TP53BP1: variants seen among roughly 807,000 people sequenced by gnomAD.
The protein encoded by TP53BP1 is TP53-binding protein 1.
A neutral mutation model predicts 200.8 loss-of-function variants in TP53BP1; 61 were observed. That is an observed-to-expected ratio of 0.30 (90% CI 0.25 to 0.38). The LOEUF (loss-of-function observed/expected upper bound fraction) is 0.38, where lower values mean the gene tolerates loss of function less well. Among genes scored for constraint, TP53BP1 ranks in the 10% least tolerant of loss-of-function variants. TP53BP1 has a pLI of 1.00. For synonymous variants in TP53BP1, 822 were observed against 844.3 expected, an observed-to-expected ratio of 0.97 and a Z score of 0.46; for missense variants, 2,144 against 2,371.9, an observed-to-expected ratio of 0.90 and a Z score of 2.00.
chr15:43,450,287 T>C (rs1239966622), intron 12 of TP53BP1, among the ~76,000 whole-genome samples: 1 of 152,242 alleles, frequency 6.6e-6, no homozygotes, highest in Non-Finnish European at 1.5e-5. Context: ...TCTGTTATAG[T>C]TTTAAACCCA....
chr15:43,506,305 C>T (rs2079236526), intron 1 of TP53BP1, among the ~76,000 whole-genome samples: 2 of 152,132 alleles, frequency 1.3e-5, no homozygotes, highest in Non-Finnish European at 2.9e-5. Context: ...CTTAGAGATG[C>T]CCTTCCCACT....
chr15:43,460,860 C>CA (rs35104408), intron 11 of TP53BP1, among the ~76,000 whole-genome samples: 27,924 of 132,820 alleles, frequency 0.21, 2,893 homozygotes, highest in African/African-American at 0.3. Flanking sequence ...CTGTCTCTAC[C>CA]AAAAAAAAAA....
At chr15:43,415,027 G>A (rs1389480448) in intron 23 of TP53BP1, among the ~76,000 whole-genome samples, 1 of 152,026 alleles carries the variant, frequency 6.6e-6, no homozygotes, top group Non-Finnish European at 1.5e-5. Context: ...TAGGAAGTCT[G>A]AGAAAGCTAG....
chr15:43,438,221 C>A (rs1220842460), intron 16 of TP53BP1, 103 bp downstream of exon 16: 6 of 966,418 alleles, frequency 6.2e-6, no homozygotes, highest in Non-Finnish European at 7.8e-6. Context: ...AAGTTTCCAA[C>A]ACATGCCACA....
At chr15:43,482,165 C>A (rs1471058373) in intron 4 of TP53BP1, among the ~76,000 whole-genome samples, 1 of 147,978 alleles carries the variant, frequency 6.8e-6, no homozygotes, top group African/African-American at 2.5e-5. Flanking sequence ...GGAGGCAGAG[C>A]TTGCAGTGAG....
chr15:43,441,949 G>T (rs1350543128), intron 14 of TP53BP1, among the ~76,000 whole-genome samples: 2 of 151,812 alleles, frequency 1.3e-5, no homozygotes, highest in Non-Finnish European at 1.5e-5. Flanking sequence ...ACAGGGTTTT[G>T]CCAAGTTTCC....
chr15:43,510,454 A>G (rs1595641980), exon 1 of TP53BP1: 1 of 154,088 alleles, frequency 6.5e-6, no homozygotes, highest in East Asian at 1.9e-4. Flanking sequence ...GGGCAAGGAC[A>G]GGGAAACCGA....
At chr15:43,408,116 G>A (rs1595514589) in intron 26 of TP53BP1, 28 bp from the exon 27 acceptor site, 5 of 1,607,790 alleles carry the variant, frequency 3.1e-6, no homozygotes, top group Non-Finnish European at 2.5e-6. Context: ...AAGGACCTTA[G>A]CATGACAAGT....
intron 11 of TP53BP1, among the ~76,000 whole-genome samples, chr15:43,462,947 C>T (rs1414969325): frequency 6.6e-6 from 1 of 152,088 alleles, no homozygotes; most frequent in Admixed American, 6.6e-5. Flanking sequence ...GTCCCAGTTA[C>T]TTGGGGTGCT....
intron 11 of TP53BP1, among the ~76,000 whole-genome samples, chr15:43,465,275 A>G (rs1247409224): frequency 6.6e-6 from 1 of 152,118 alleles, no homozygotes; most frequent in Non-Finnish European, 1.5e-5. Context: ...ATGGGTTTTG[A>G]GGAGGTGATG....
chr15:43,426,300 C>T (rs1282123616), intron 18 of TP53BP1, among the ~76,000 whole-genome samples: 7 of 151,254 alleles, frequency 4.6e-5, no homozygotes, highest in Admixed American at 4.6e-4. Flanking sequence ...ATTAGCTGGG[C>T]ATGGTGGCAC....
chr15:43,425,479 G>T (rs2045505205), intron 18 of TP53BP1, among the ~76,000 whole-genome samples: 1 of 152,136 alleles, frequency 6.6e-6, no homozygotes. Flanking sequence ...AAAATTAGCA[G>T]ATGTGGTAGC....
intron 19 of TP53BP1, 137 bp from the exon 20 acceptor site, chr15:43,421,311 A>C (rs1344464439): frequency 9.9e-6 from 8 of 804,876 alleles, no homozygotes; most frequent in Non-Finnish European, 1.6e-5. Flanking sequence ...TGGTTCACAC[A>C]CCCACCACCA....
chr15:43,449,582 A>G (rs2046121822), intron 12 of TP53BP1, among the ~76,000 whole-genome samples: 1 of 152,214 alleles, frequency 6.6e-6, no homozygotes, highest in Non-Finnish European at 1.5e-5. Flanking sequence ...CCCTAGGGAC[A>G]GCACTGCCAC....
Position 43,404,394 on chromosome 15 carries a change from TG to T in TP53BP1, c.*2988del. The T allele has an allele frequency of 6.2e-7, 1 of 1,613,888 alleles. No homozygotes were observed. Among genetic ancestry groups the T allele is most frequent in the Non-Finnish European group, 8.5e-7 (1 of 1,179,850 alleles). On this transcript the variant is annotated 3_prime_UTR_variant, in exon 28 of 28. Coordinates refer to ENST00000382044, the MANE Select transcript of TP53BP1 (RefSeq NM_001141980.3). Reference sequence around the variant, plus strand: ...TGGTGAGCTGAAGTGGAATGACAGCTGAGTCCTTCTCTCTGCAGGGCTTTAG... The same window carrying T: ...TGGTGAGCTGAAGTGGAATGACAGCTAGTCCTTCTCTCTGCAGGGCTTTAG...
In TP53BP1 at chr15:43,474,765, T is replaced by C. The variant is rs1293890786; in HGVS notation, c.1088A>G (p.Asn363Ser). 6.3e-7 allele frequency: 1 copy of C among 1,599,822 alleles called. No individual in the cohort carries two copies. The highest frequency in any genetic ancestry group is 8.6e-7 in the Non-Finnish European group (1 of 1,167,232). ...AGAAGGAGCAACAAGATCTGAAGAATTCCTTTATATAAAGAGAGAATCACA... is the reference window on the plus strand; with the variant it reads ...AGAAGGAGCAACAAGATCTGAAGAACTCCTTTATATAAAGAGAGAATCACA... ...RSLVQDSLST[N>S]SSDLVAPSPD... The change falls in exon 10 of 28, where the codon AAT (asparagine) becomes AGT (serine). Residue 363 changes from asparagine (N) to serine (S), a missense_variant and splice_region_variant. This residue lies in a region of TP53BP1 where 1,700 missense variants were observed against 1,710.3 expected (regional missense o/e 0.99). Coordinates refer to ENST00000382044, the MANE Select transcript of TP53BP1 (RefSeq NM_001141980.3).
rs550666961 is a variant in TP53BP1, at chr15:43,447,342, T to C, written c.2836+24A>G. 65 of 1,591,004 alleles carry C rather than the reference T, an allele frequency of 4.1e-5. No homozygotes were observed. In the South Asian group the frequency reaches 6.9e-4, roughly 17 times the overall value. ...GATATCTCAGAAATTCTGCCTTAAATATCATTACTTTTTATTCACTCACCA... is the reference window on the plus strand; with the variant it reads ...GATATCTCAGAAATTCTGCCTTAAACATCATTACTTTTTATTCACTCACCA... On this transcript the variant is annotated intron_variant, in intron 13 of 27. Transcript: ENST00000382044.
intron 10 of TP53BP1, among the ~76,000 whole-genome samples, chr15:43,470,562 T>C (rs575246460): frequency 1.3e-5 from 2 of 152,264 alleles, no homozygotes; most frequent in African/African-American, 2.4e-5. Context: ...TGGATGCCTG[T>C]ACAAATACAG....
intron 2 of TP53BP1, 32 bp from the exon 3 acceptor site, chr15:43,492,127 A>G: frequency 1.3e-6 from 2 of 1,551,986 alleles, no homozygotes; most frequent in Non-Finnish European, 1.8e-6. Context: ...TATCCCCATT[A>G]TATATGAAAT....
Sources: allele counts gnomAD v4.1 joint callset (sites outside exome capture counted in the v4.1 genomes callset), GRCh38; gene constraint gnomAD v4.1.1; regional missense constraint gnomAD v4.1.1; transcripts MANE v1.5; gene names NCBI Gene and HGNC (gene_info 2026-07-23, HGNC 2026-07-21).